The following MID1 variants were observed in gnomAD, a reference collection of about 807,000 sequenced individuals.
MID1 encodes the protein E3 ubiquitin-protein ligase Midline-1.
MID1 carries 7 observed loss-of-function variants against 40.4 expected under a neutral mutation model. The ratio of observed to expected loss-of-function variants is 0.17; its 90% confidence interval spans 0.10 to 0.33. The LOEUF is 0.33. Ranked by LOEUF, MID1 falls within the 10% of genes least tolerant of loss-of-function variation. MID1 has a pLI of 1.00. For missense variants in MID1, 367 were observed against 558.5 expected (o/e 0.66, Z 3.46); for synonymous variants, 229 against 221.2 (o/e 1.04, Z -0.31).
chrX:10,596,218 T>C (rs1423902198), intron 1 of MID1, among the ~76,000 whole-genome samples: 1 of 111,559 alleles, frequency 9.0e-6, no homozygotes, highest in East Asian at 2.8e-4. Flanking sequence ...AGGACTGACA[T>C]CTGGATCATA....
At chrX:10,828,497 T>C (rs2044230875) in intron 1 of MID1, among the ~76,000 whole-genome samples, 2 of 111,492 alleles carry the variant, frequency 1.8e-5, no homozygotes, top group African/African-American at 6.5e-5. Flanking sequence ...GAAGTGAGTA[T>C]TTTTTTGCTT....
chrX:10,755,184 C>A (rs2043624773), intron 1 of MID1, among the ~76,000 whole-genome samples: 1 of 111,763 alleles, frequency 8.9e-6, no homozygotes, highest in Admixed American at 9.5e-5. Context: ...TAAGCAAAGT[C>A]CAAATTCAAA....
At chrX:10,823,964 T>A (rs1489097863) in intron 1 of MID1, among the ~76,000 whole-genome samples, 3 of 112,406 alleles carry the variant, frequency 2.7e-5, no homozygotes, top group Non-Finnish European at 5.6e-5. Context: ...CAACATATTA[T>A]TTTATTCACA....
intron 3 of MID1, among the ~76,000 whole-genome samples, chrX:10,517,813 C>T (rs1385223313): frequency 2.7e-5 from 3 of 112,663 alleles, no homozygotes; most frequent in East Asian, 5.6e-4. Flanking sequence ...TCTTGCGCTG[C>T]TTCCCCAGTC....
At chrX:10,672,734 G>C (rs768211428) in intron 1 of MID1, among the ~76,000 whole-genome samples, 1 of 111,446 alleles carries the variant, frequency 9.0e-6, no homozygotes, top group African/African-American at 3.3e-5. Context: ...GGGCAGGCTG[G>C]AGTGCAGTGG....
At chrX:10,552,446 G>A (rs1933949802) in intron 2 of MID1, among the ~76,000 whole-genome samples, 1 of 110,421 alleles carries the variant, frequency 9.1e-6, no homozygotes, top group South Asian at 3.8e-4. Flanking sequence ...GATATAAAAT[G>A]GTATAATATT....
intron 1 of MID1, among the ~76,000 whole-genome samples, chrX:10,657,737 T>C (rs191111846): frequency 1.7e-3 from 197 of 112,614 alleles, no homozygotes; most frequent in African/African-American, 6.0e-3. Context: ...TACTCTGATA[T>C]GGTTCTTCGT....
chrX:10,702,225 G>A (rs1015851336), intron 1 of MID1, among the ~76,000 whole-genome samples: 6 of 112,152 alleles, frequency 5.3e-5, no homozygotes, highest in African/African-American at 1.9e-4. Context: ...CTGTGGTTTC[G>A]AAATTTCCCT....
intron 1 of MID1, among the ~76,000 whole-genome samples, chrX:10,803,855 T>C (rs886198625): frequency 8.9e-6 from 1 of 112,167 alleles, no homozygotes; most frequent in African/African-American, 3.2e-5. Flanking sequence ...TATTTTTTTC[T>C]ACTCCCTTCT....
In MID1 at chrX:10,721,034, A is replaced by T. The variant is rs1195046630; in HGVS notation, c.-186-100615T>A. 4.9e-5 allele frequency among the ~76,000 whole-genome samples: 4 copies of T among 82,408 alleles called. No individual in the cohort carries two copies. In the Admixed American group the frequency reaches 6.1e-4, roughly 12 times the overall value. 71.6% of individuals were successfully genotyped at this position (82,408 alleles called of 115,157 possible). On this transcript the variant is annotated intron_variant, in intron 1 of 10. Transcript: ENST00000380785. ...GGACACAGGAAGGGGAACATCACAC[A>T]CCAGGGCCTGTTGTGGGGTGGGGGG...
intron 1 of MID1, among the ~76,000 whole-genome samples, chrX:10,617,944 C>T (rs779930340): frequency 8.9e-6 from 1 of 112,763 alleles, no homozygotes; most frequent in East Asian, 2.8e-4. Flanking sequence ...TAGGAACCCT[C>T]AAAGAATACT....
rs185179837 is a variant in MID1, at chrX:10,483,073, A to G, written c.865-445T>C. On this transcript the variant is annotated intron_variant, in intron 4 of 9. Coordinates refer to ENST00000317552, the MANE Select transcript of MID1 (RefSeq NM_000381.4). Reference sequence around the variant, plus strand: ...ATGGTTTAAATGAAAACCATTTTCTAAAAAGTGTTTTTTGTAATTCATGTA... The same window carrying G: ...ATGGTTTAAATGAAAACCATTTTCTGAAAAGTGTTTTTTGTAATTCATGTA... 5.4e-4 allele frequency among the ~76,000 whole-genome samples: 61 copies of G among 112,600 alleles called. No individual in the cohort carries two copies. In the East Asian group the frequency reaches 0.015, roughly 28 times the overall value.
chrX:10,800,350 G>A (rs1181135941), intron 1 of MID1, among the ~76,000 whole-genome samples: 5 of 111,627 alleles, frequency 4.5e-5, no homozygotes, highest in Middle Eastern at 4.6e-3. Context: ...GAGTAAGCTC[G>A]TAAGCACGTT....
chrX:10,533,525 T>G (rs1984528211), intron 2 of MID1, among the ~76,000 whole-genome samples: 1 of 110,814 alleles, frequency 9.0e-6, no homozygotes, highest in Admixed American at 9.6e-5. Flanking sequence ...CATAACATTT[T>G]TTTTCTGTTG....
chrX:10,729,310 C>A (rs763465554), intron 1 of MID1, among the ~76,000 whole-genome samples: 69 of 112,017 alleles, frequency 6.2e-4, no homozygotes, highest in Non-Finnish European at 9.4e-4. Flanking sequence ...AATTAAATTC[C>A]AAAACCGTGT....
At chrX:10,512,625 T>A (rs367725810) in intron 3 of MID1, among the ~76,000 whole-genome samples, 8 of 112,125 alleles carry the variant, frequency 7.1e-5, no homozygotes, top group African/African-American at 2.3e-4. Context: ...GGAACAGATC[T>A]ATGCAATAAT....
At chrX:10,650,565 T>C (rs1936306473) in intron 1 of MID1, among the ~76,000 whole-genome samples, 1 of 111,996 alleles carries the variant, frequency 8.9e-6, no homozygotes, top group Admixed American at 9.5e-5. Context: ...TTGTCTGCTC[T>C]GCAGGCCCAA....
At chrX:10,534,820 T>G (rs763081612) in intron 2 of MID1, among the ~76,000 whole-genome samples, 1 of 112,594 alleles carries the variant, frequency 8.9e-6, no homozygotes, top group Admixed American at 9.4e-5. Context: ...AAATCAATAT[T>G]ATGTAAGAGA....
chrX:10,554,924 G>C (rs940558356), intron 2 of MID1, among the ~76,000 whole-genome samples: 1 of 111,917 alleles, frequency 8.9e-6, no homozygotes, highest in East Asian at 2.8e-4. Flanking sequence ...TACCAGGTCA[G>C]GATATTCATC....
Sources: gnomAD v4.1 joint callset for allele counts (sites outside exome capture counted in the v4.1 genomes callset) on GRCh38, gnomAD v4.1.1 for gene constraint, MANE v1.5 for transcripts, NCBI Gene and HGNC (gene_info 2026-07-23, HGNC 2026-07-21) for gene names.